The following KCNC2 variants were observed in gnomAD, a reference collection of about 807,000 sequenced individuals.
The protein encoded by KCNC2 is voltage-gated potassium channel KCNC2.
Under a neutral mutation model 44.5 loss-of-function variants are expected in KCNC2, and 21 were observed. That is an observed-to-expected ratio of 0.47 (90% CI 0.33 to 0.68). The LOEUF is 0.68. Among genes scored for constraint, KCNC2 ranks in the 30% least tolerant of loss-of-function variants. The pLI, the probability that KCNC2 is intolerant of heterozygous loss-of-function variation, is 0.01. For synonymous variants in KCNC2, 391 were observed against 339.1 expected (o/e 1.15, Z -1.68); for missense variants, 589 against 826.2 (o/e 0.71, Z 3.52).
chr12:75,132,350 GGATT>G (rs897129805), intron 2 of KCNC2, among the ~76,000 whole-genome samples: 3 of 152,084 alleles, frequency 2.0e-5, no homozygotes, highest in Non-Finnish European at 2.9e-5. Context: ...AAAAATAAGT[GGATT>G]GATTAATAGA....
intron 2 of KCNC2, among the ~76,000 whole-genome samples, chr12:75,205,656 G>GA (rs1026000767): frequency 4.0e-5 from 6 of 151,794 alleles, no homozygotes; most frequent in Non-Finnish European, 7.4e-5. Flanking sequence ...ACATGATCTG[G>GA]AAAAAAAGAA....
chr12:75,119,551 G>A (rs1887906910), intron 2 of KCNC2, among the ~76,000 whole-genome samples: 1 of 152,206 alleles, frequency 6.6e-6, no homozygotes. Flanking sequence ...AACGGGTGAA[G>A]TGGGCCAGAA....
chr12:75,055,256 A>G (rs1335239178), intron 2 of KCNC2, among the ~76,000 whole-genome samples: 1 of 152,308 alleles, frequency 6.6e-6, no homozygotes, highest in East Asian at 1.9e-4. Context: ...ACCACATTCC[A>G]GTGGGAATTA....
intron 2 of KCNC2, among the ~76,000 whole-genome samples, chr12:75,057,982 C>A (rs959988030): frequency 1.4e-4 from 22 of 151,824 alleles, no homozygotes; most frequent in African/African-American, 4.4e-4. Context: ...CAAGGCCTAT[C>A]CATTCACACA....
At position 75,052,077 on chromosome 12, in the gene KCNC2, T is replaced by C. The variant is rs1007744320; in HGVS notation, c.688-760A>G. 2.0e-5 allele frequency among the ~76,000 whole-genome samples: 3 copies of C among 152,062 alleles called. No individual in the cohort carries two copies. The South Asian group carries it at 6.2e-4, about 31-fold the overall frequency. On this transcript the variant is annotated intron_variant, in intron 2 of 4. Transcript: ENST00000549446. ...ATTCATTTCTTCAGCCAATAATATATGACTACACACACACACCTACCACCA... is the reference window on the plus strand; with the variant it reads ...ATTCATTTCTTCAGCCAATAATATACGACTACACACACACACCTACCACCA...
At chr12:75,110,996 T>C (rs1300997189) in intron 2 of KCNC2, among the ~76,000 whole-genome samples, 2 of 152,150 alleles carry the variant, frequency 1.3e-5, no homozygotes, top group African/African-American at 4.8e-5. Context: ...TTAGACTATA[T>C]ACAATTTTAT....
At chr12:75,046,769 A>G (rs1324362067) in intron 4 of KCNC2, among the ~76,000 whole-genome samples, 1 of 151,944 alleles carries the variant, frequency 6.6e-6, no homozygotes, top group Non-Finnish European at 1.5e-5. Flanking sequence ...ATTTTGGTGC[A>G]AGAAATAGAT....
intron 2 of KCNC2, among the ~76,000 whole-genome samples, chr12:75,083,679 A>T (rs1249666785): frequency 6.6e-6 from 1 of 151,998 alleles, no homozygotes; most frequent in East Asian, 1.9e-4. Flanking sequence ...TAAGCAAGAT[A>T]GTAGAATTAT....
intron 2 of KCNC2, among the ~76,000 whole-genome samples, chr12:75,171,307 T>C (rs1891803383): frequency 6.6e-6 from 1 of 151,752 alleles, no homozygotes; most frequent in African/African-American, 2.4e-5. Context: ...TCAACCATGC[T>C]GAAGGGAAAG....
At chr12:75,117,865 G>T (rs933603938) in intron 2 of KCNC2, among the ~76,000 whole-genome samples, 1 of 152,042 alleles carries the variant, frequency 6.6e-6, no homozygotes, top group Non-Finnish European at 1.5e-5. Context: ...ATAATTTAGG[G>T]CAATGAAGTT....
At chr12:75,062,062 A>C (rs1214034083) in intron 2 of KCNC2, among the ~76,000 whole-genome samples, 2 of 152,080 alleles carry the variant, frequency 1.3e-5, no homozygotes, top group Non-Finnish European at 2.9e-5. Context: ...CTAATAGATA[A>C]AATTCAGTGA....
intron 2 of KCNC2, among the ~76,000 whole-genome samples, chr12:75,182,531 A>AC (rs1565671881): frequency 1.5e-5 from 2 of 136,966 alleles, no homozygotes; most frequent in African/African-American, 5.2e-5. Flanking sequence ...AAAAAAAAAA[A>AC]AAAAAACAAA....
intron 2 of KCNC2, among the ~76,000 whole-genome samples, chr12:75,072,388 A>G (rs1282548761): frequency 2.0e-5 from 3 of 151,948 alleles, no homozygotes; most frequent in Admixed American, 1.3e-4. Flanking sequence ...AAGGAAATTT[A>G]AAAAAAATAC....
chr12:75,097,913 T>C lies in KCNC2; in HGVS notation c.688-46596A>G, dbSNP rs1886071718. Among the ~76,000 whole-genome samples the C allele has an allele frequency of 2.0e-5, 3 of 152,292 alleles. No homozygotes were observed. The South Asian group carries it at 6.2e-4, about 32-fold the overall frequency. The stretch of plus-strand genomic sequence containing the variant: ...ATTTAAAAACCCAATGTCCTTCTAT[T>C]GTTAGGAAAATAAGAACAGTAGCAA... On this transcript the variant is annotated intron_variant, in intron 2 of 4. Coordinates refer to ENST00000549446, the MANE Select transcript of KCNC2 (RefSeq NM_139137.4).
rs533546508 is a variant in KCNC2, at chr12:75,166,714, T to C, written c.687+40583A>G. Among the ~76,000 whole-genome samples, 3 of 151,090 alleles carry C rather than the reference T, an allele frequency of 2.0e-5. No individual in the cohort carries two copies. In the South Asian group the frequency reaches 6.2e-4, roughly 31 times the overall value. ...AAACAACACATTCCTAAGTAACCAATGGATCAAAAAAGATGTTATAAAAGA... is the reference window on the plus strand; with the variant it reads ...AAACAACACATTCCTAAGTAACCAACGGATCAAAAAAGATGTTATAAAAGA... On this transcript the variant is annotated intron_variant, in intron 2 of 4. Coordinates refer to ENST00000549446, the MANE Select transcript of KCNC2 (RefSeq NM_139137.4).
intron 2 of KCNC2, among the ~76,000 whole-genome samples, chr12:75,199,619 C>G (rs1337461544): frequency 1.3e-5 from 2 of 151,840 alleles, no homozygotes; most frequent in Non-Finnish European, 2.9e-5. Flanking sequence ...ATTGTATTTA[C>G]TGACCTTACA....
intron 2 of KCNC2, among the ~76,000 whole-genome samples, chr12:75,179,198 TA>T (rs978602654): frequency 2.6e-5 from 4 of 152,164 alleles, no homozygotes; most frequent in African/African-American, 9.6e-5. Context: ...AGAACACTAG[TA>T]AAAATTAGGC....
rs11180380 is a variant in KCNC2, at chr12:75,154,410, T to G, written c.687+52887A>C. Reference sequence around the variant, plus strand: ...GTTGAGTTCTCCTTTCCAGGGATCATCACACCTGTCCTCGAAGTTGTCTAT... The same window carrying G: ...GTTGAGTTCTCCTTTCCAGGGATCAGCACACCTGTCCTCGAAGTTGTCTAT... On this transcript the variant is annotated intron_variant, in intron 2 of 4. Transcript: ENST00000549446. 0.012 allele frequency among the ~76,000 whole-genome samples: 1,897 copies of G among 152,152 alleles called. 170 individuals are homozygous for G. In the East Asian group the frequency reaches 0.23, roughly 18 times the overall value.
chr12:75,171,930 AT>A (rs1272522460), intron 2 of KCNC2, among the ~76,000 whole-genome samples: 1 of 151,742 alleles, frequency 6.6e-6, no homozygotes, highest in African/African-American at 2.4e-5. Flanking sequence ...GGTTTTTTAA[AT>A]TATCTTTATC....
Sources: allele counts gnomAD v4.1 joint callset (sites outside exome capture counted in the v4.1 genomes callset), GRCh38; gene constraint gnomAD v4.1.1; transcripts MANE v1.5; gene names NCBI Gene and HGNC (gene_info 2026-07-23, HGNC 2026-07-21).